Variants in OLFM3 observed in about 807,000 individuals in gnomAD.
OLFM3 encodes olfactomedin 3.
OLFM3 carries 20 observed loss-of-function variants against 48.6 expected under a neutral mutation model. The observed-to-expected ratio is 0.41, with a 90% confidence interval of 0.29 to 0.60. The LOEUF (loss-of-function observed/expected upper bound fraction) is 0.60. Ranked by LOEUF, OLFM3 falls within the 20% of genes least tolerant of loss-of-function variation. The pLI, the probability that OLFM3 is intolerant of heterozygous loss-of-function variation, is 0.28. For synonymous variants in OLFM3, 222 were observed against 198.1 expected (o/e 1.12, Z -1.01); for missense variants, 437 against 544.3 (o/e 0.80, Z 1.96).
chr1:101,935,281 C>G (rs749080653), intron 1 of OLFM3, among the ~76,000 whole-genome samples: 33 of 145,912 alleles, frequency 2.3e-4, no homozygotes, highest in Non-Finnish European at 4.8e-4. Context: ...GGAGAAATTA[C>G]AAAGGGAACA....
intron 1 of OLFM3, among the ~76,000 whole-genome samples, chr1:101,915,256 G>A (rs1243401072): frequency 1.3e-5 from 2 of 151,964 alleles, no homozygotes; most frequent in Non-Finnish European, 2.9e-5. Context: ...ATTTTTTGGA[G>A]TGCTTTATTT....
chr1:101,992,548 C>T (rs562745604), intron 1 of OLFM3, among the ~76,000 whole-genome samples: 1 of 151,684 alleles, frequency 6.6e-6, no homozygotes, highest in African/African-American at 2.4e-5. Flanking sequence ...ATGTCTCTAG[C>T]GCACGAGAGA....
chr1:101,862,066 A>G (rs1458811046), intron 1 of OLFM3, among the ~76,000 whole-genome samples: 1 of 152,202 alleles, frequency 6.6e-6, no homozygotes, highest in Non-Finnish European at 1.5e-5. Context: ...AAGTAAAGAG[A>G]TTAACATCAG....
chr1:101,916,133 C>T (rs1658917426), intron 1 of OLFM3, among the ~76,000 whole-genome samples: 2 of 152,096 alleles, frequency 1.3e-5, no homozygotes, highest in Admixed American at 1.3e-4. Context: ...TTGTTATGGG[C>T]AGTCACTTTC....
At chr1:101,989,620 G>T (rs1269563662) in intron 1 of OLFM3, among the ~76,000 whole-genome samples, 1 of 151,854 alleles carries the variant, frequency 6.6e-6, no homozygotes, top group Non-Finnish European at 1.5e-5. Flanking sequence ...TTTGCATGTT[G>T]AGTATAGAAA....
chr1:101,834,061 C>T (rs1425855415), intron 2 of OLFM3, among the ~76,000 whole-genome samples: 1 of 152,040 alleles, frequency 6.6e-6, no homozygotes, highest in East Asian at 1.9e-4. Context: ...ATACTAAGAC[C>T]TGAAATACTG....
At position 101,847,170 on chromosome 1, in the gene OLFM3, T is replaced by C. The variant is rs983759894; in HGVS notation, c.70-10145A>G. On this transcript the variant is annotated intron_variant, in intron 1 of 5. Coordinates refer to ENST00000370103, the MANE Select transcript of OLFM3 (RefSeq NM_058170.4). ...GTGCCCTGCCCTTCTTTTTCCTCCC[T>C]TACCAGACATTTTGCTGGATCATCA... is the stretch of plus-strand genomic sequence containing the variant. The C allele has an allele frequency of 1.6e-5, 8 of 489,060 alleles. No homozygotes were observed. In the African/African-American group the frequency reaches 1.7e-4, roughly 10 times the overall value. 30.3% of individuals were successfully genotyped at this position (489,060 alleles called of 1,614,324 possible).
At chr1:101,958,832 ATAT>A (rs1157841532) in intron 1 of OLFM3, among the ~76,000 whole-genome samples, 20 of 46,952 alleles carry the variant, frequency 4.3e-4, no homozygotes, top group African/African-American at 1.2e-3. Context: ...ATACAAAGTG[ATAT>A]TATATATATA....
intron 1 of OLFM3, among the ~76,000 whole-genome samples, chr1:101,841,921 A>C (rs1410825820): frequency 6.6e-6 from 1 of 152,164 alleles, no homozygotes; most frequent in Non-Finnish European, 1.5e-5. Context: ...AATCCCTGAT[A>C]AATTTTCTGT....
rs1298380375 is a variant in OLFM3 at position 101,804,761 on chromosome 1, T to C, written c.854A>G (p.Asn285Ser). 3.1e-6 allele frequency: 5 copies of C among 1,612,700 alleles called. No individual in the cohort carries two copies. Among genetic ancestry groups the C allele is most frequent in the Non-Finnish European group, 4.2e-6 (5 of 1,179,154 alleles). ...GATGATGATATTACTCTGATACTTG[T>C]TAAAATAGAGTGAGCCATTGTAGAC... ...HVVYNGSLYFNKYQSNIIIKY... is the reference protein window; with the variant it reads ...HVVYNGSLYFSKYQSNIIIKY... Residue 285 changes from asparagine to serine, a missense_variant, in exon 6 of 6, where the codon AAC becomes AGC. By Grantham distance (46) the Asn-to-Ser change is conservative (BLOSUM62 1). This residue lies in a region of OLFM3 where 314 missense variants were observed against 365.5 expected (regional missense o/e 0.86). Transcript: ENST00000370103. This position sits in a 1 kb window ranked among gnomAD's most constrained non-coding sequence, Gnocchi z 4.5.
intron 1 of OLFM3, among the ~76,000 whole-genome samples, chr1:101,906,873 T>C (rs1459738416): frequency 3.3e-5 from 5 of 152,208 alleles, no homozygotes; most frequent in African/African-American, 9.6e-5. Flanking sequence ...TGAATACATA[T>C]ATGCACACAT....
intron 1 of OLFM3, among the ~76,000 whole-genome samples, chr1:101,941,055 C>T (rs1051432309): frequency 6.6e-6 from 1 of 152,192 alleles, no homozygotes; most frequent in Admixed American, 6.5e-5. Context: ...TAAAGGAACC[C>T]TTCTGGACCA....
chr1:101,899,110 C>T (rs1377908784), intron 1 of OLFM3, among the ~76,000 whole-genome samples: 1 of 152,166 alleles, frequency 6.6e-6, no homozygotes, highest in Non-Finnish European at 1.5e-5. Flanking sequence ...GAGGCTCTAC[C>T]TCAAGGTCTC....
rs181257113 is a variant in OLFM3 at position 101,828,191 on chromosome 1, A to T, written c.372+2481T>A. 2.0e-5 allele frequency among the ~76,000 whole-genome samples: 3 copies of T among 152,224 alleles called. No individual in the cohort carries two copies. The East Asian group carries it at 5.8e-4, about 29-fold the overall frequency. ...AGTCAATTAAACCTCTTTCTTTCAC[A>T]CATTACGCAGTCTCAGCACAGATCT... On this transcript the variant is annotated intron_variant, in intron 3 of 5. Transcript: ENST00000370103.
chr1:101,868,116 G>A (rs888173392), intron 1 of OLFM3, among the ~76,000 whole-genome samples: 3 of 152,036 alleles, frequency 2.0e-5, no homozygotes, highest in South Asian at 2.1e-4. Flanking sequence ...ATCCAGTCTC[G>A]GGTATGTCTT....
chr1:101,809,062 A>G (rs1353949907), intron 4 of OLFM3, among the ~76,000 whole-genome samples: 1 of 151,684 alleles, frequency 6.6e-6, no homozygotes, highest in African/African-American at 2.4e-5. Flanking sequence ...AATGAAAATA[A>G]GAGAAAAAAT....
chr1:101,832,189 A>G (rs1404613250), intron 2 of OLFM3, among the ~76,000 whole-genome samples: 1 of 152,216 alleles, frequency 6.6e-6, no homozygotes, highest in Non-Finnish European at 1.5e-5. Flanking sequence ...GCGTCCAGCC[A>G]ATCTGTTTAT....
At chr1:101,987,917 A>T (rs955783948) in intron 1 of OLFM3, among the ~76,000 whole-genome samples, 3 of 152,084 alleles carry the variant, frequency 2.0e-5, no homozygotes, top group African/African-American at 7.2e-5. Flanking sequence ...CAAAATATTT[A>T]ATTTCTGATA....
At chr1:101,974,229 T>C (rs1370433891) in intron 1 of OLFM3, among the ~76,000 whole-genome samples, 1 of 152,212 alleles carries the variant, frequency 6.6e-6, no homozygotes, top group Non-Finnish European at 1.5e-5. Context: ...TGCTTTGTTT[T>C]TTGCCAATGA....
Sources: gnomAD v4.1 joint callset for allele counts (sites outside exome capture counted in the v4.1 genomes callset) on GRCh38, gnomAD v4.1.1 for gene constraint, gnomAD v4.1.1 regional missense constraint, Gnocchi (gnomAD v3.1) non-coding constraint, MANE v1.5 for transcripts, NCBI Gene and HGNC (gene_info 2026-07-23, HGNC 2026-07-21) for gene names.